AOPEP: variants seen among roughly 807,000 people sequenced by gnomAD.
AOPEP encodes the protein aminopeptidase O.
Under a neutral mutation model 98.1 loss-of-function variants are expected in AOPEP, and 77 were observed. The observed-to-expected ratio is 0.78, with a 90% CI of 0.65 to 0.95. AOPEP has a LOEUF of 0.95. AOPEP is among the 40% of genes least tolerant of loss of function. The probability of loss-of-function intolerance (pLI) is 0.00; values close to 1 mark genes in which losing one functional copy is unlikely to be tolerated. For synonymous variants in AOPEP, 346 were observed against 365.3 expected (o/e 0.95, Z 0.60); for missense variants, 1,024 against 1,024.7 (o/e 1.00, Z 0.01).
At chr9:95,098,018 G>C in the AOPEP span, among the ~76,000 whole-genome samples, 1 of 152,142 alleles carries the variant, frequency 6.6e-6, no homozygotes, top group Non-Finnish European at 1.5e-5. Context: ...GCTGGAAACA[G>C]AGGAAGAAAA....
At chr9:94,942,282 C>T (rs2057090701) in intron 7 of AOPEP, among the ~76,000 whole-genome samples, 1 of 152,178 alleles carries the variant, frequency 6.6e-6, no homozygotes, top group South Asian at 2.1e-4. Flanking sequence ...AGTGCTTTCT[C>T]ATGTAACGCC....
chr9:94,761,447 G>A (rs1838271122), intron 2 of AOPEP, among the ~76,000 whole-genome samples: 1 of 152,070 alleles, frequency 6.6e-6, no homozygotes, highest in Non-Finnish European at 1.5e-5. Context: ...AATCAATATG[G>A]TAATTATTGC....
chr9:94,755,975 C>T (rs1051716009), intron 1 of AOPEP, among the ~76,000 whole-genome samples: 2 of 152,044 alleles, frequency 1.3e-5, no homozygotes, highest in Non-Finnish European at 2.9e-5. Flanking sequence ...GATGGCAACC[C>T]TAGGCCAGGC....
Position 94,989,474 on chromosome 9 carries a change from A to G in AOPEP, c.1977+10047A>G, listed in dbSNP as rs561868028. Among the ~76,000 whole-genome samples the G allele has an allele frequency of 5.9e-5, 9 of 152,048 alleles. No individual in the cohort carries two copies. The South Asian group carries it at 1.9e-3, about 32-fold the overall frequency. On this transcript the variant is annotated intron_variant, in intron 11 of 16. Coordinates refer to ENST00000375315, the MANE Select transcript of AOPEP (RefSeq NM_001193329.3). ...ATGGTCTCGATCTCCTAACCTCGTG[A>G]TTTGCCTTCCTTGGCCTCCCAAGGT...
At chr9:94,991,686 A>G (rs899143046) in intron 11 of AOPEP, among the ~76,000 whole-genome samples, 3 of 152,190 alleles carry the variant, frequency 2.0e-5, no homozygotes, top group Admixed American at 1.3e-4. Context: ...GTTTGTTCCT[A>G]TTCTTTCACA....
chr9:94,755,044 C>A (rs1836692300), intron 1 of AOPEP, among the ~76,000 whole-genome samples: 1 of 152,112 alleles, frequency 6.6e-6, no homozygotes, highest in African/African-American at 2.4e-5. Context: ...CTGAGACAAT[C>A]ATTTAAGCAT....
At chr9:94,974,834 C>T (rs988330058) in intron 10 of AOPEP, among the ~76,000 whole-genome samples, 3 of 152,170 alleles carry the variant, frequency 2.0e-5, no homozygotes, top group Non-Finnish European at 2.9e-5. Context: ...TTCATAGCCA[C>T]GCACCAAAGG....
chr9:95,139,809 C>T, the AOPEP span, among the ~76,000 whole-genome samples: 3 of 144,636 alleles, frequency 2.1e-5, no homozygotes, highest in Non-Finnish European at 3.0e-5. Flanking sequence ...TATTGTTTGA[C>T]CTGACAAAAT....
intron 13 of AOPEP, chr9:95,018,853 G>A (rs2063222306): frequency 6.6e-6 from 1 of 152,184 alleles, no homozygotes; most frequent in South Asian, 2.1e-4. Context: ...GGGAGTTAGT[G>A]AGGGGACTTC....
At chr9:95,073,291 T>C (rs2068686054) in intron 14 of AOPEP, among the ~76,000 whole-genome samples, 1 of 152,092 alleles carries the variant, frequency 6.6e-6, no homozygotes, top group Non-Finnish European at 1.5e-5. Context: ...GAGCTGGAGC[T>C]GGAGTGGGGC....
intron 5 of AOPEP, among the ~76,000 whole-genome samples, chr9:94,855,935 G>T (rs1442622369): frequency 6.6e-6 from 1 of 152,170 alleles, no homozygotes; most frequent in Admixed American, 6.5e-5. Flanking sequence ...CCTATTATCA[G>T]ATGTCACCAT....
chr9:94,895,572 G>A (rs565538029), intron 5 of AOPEP, among the ~76,000 whole-genome samples: 1 of 152,076 alleles, frequency 6.6e-6, no homozygotes, highest in East Asian at 1.9e-4. Flanking sequence ...CTACCTGTAA[G>A]CCAAGTGCCT....
chr9:94,995,283 C>G (rs2061151533), intron 11 of AOPEP, among the ~76,000 whole-genome samples: 1 of 152,130 alleles, frequency 6.6e-6, no homozygotes, highest in African/African-American at 2.4e-5. Context: ...ACCAGATAGA[C>G]TTTTGTTTCT....
rs376747868 is a variant in AOPEP at position 94,737,722 on chromosome 9, T to C, written c.-136+10971T>C. On this transcript the variant is annotated intron_variant, in intron 1 of 16. Coordinates refer to ENST00000375315, the MANE Select transcript of AOPEP (RefSeq NM_001193329.3). ...AATATAAGACTGCAATATGTATAAC[T>C]TGCCATGCCAATAAGCAACAAGATG... Among the ~76,000 whole-genome samples the C allele has an allele frequency of 7.8e-4, 119 of 152,334 alleles. 1 individual carries two copies. In the South Asian group the frequency reaches 0.024, roughly 31 times the overall value.
At chr9:94,991,443 G>T (rs2060886879) in intron 11 of AOPEP, among the ~76,000 whole-genome samples, 1 of 152,196 alleles carries the variant, frequency 6.6e-6, no homozygotes, top group African/African-American at 2.4e-5. Flanking sequence ...GGGGAGCGGA[G>T]CCCCAGGAGA....
chr9:94,937,852 C>A (rs1481307738), intron 7 of AOPEP, among the ~76,000 whole-genome samples: 1 of 152,068 alleles, frequency 6.6e-6, no homozygotes. Flanking sequence ...AATATTTGAC[C>A]ATTTTTGCCC....
At position 94,839,087 on chromosome 9, in the gene AOPEP, TC is replaced by T. The variant is rs1386752338; in HGVS notation, c.1364+38086del. ...CACCACACCCACCTAATTTTTGTAT[TC>T]TTTTTTTTTTTTTTTGAGAGGGAGT... On this transcript the variant is annotated intron_variant, in intron 5 of 16. Coordinates refer to ENST00000375315, the MANE Select transcript of AOPEP (RefSeq NM_001193329.3). Among the ~76,000 whole-genome samples the T allele has an allele frequency of 2.1e-4, 9 of 43,616 alleles. No individual in the cohort carries two copies. In the East Asian group the frequency reaches 6.2e-3, roughly 30 times the overall value. The allele number at this position is 43,616 out of a possible 152,430, so 28.6% of individuals were successfully genotyped here.
At chr9:94,756,424 T>A (rs1837066519) in intron 1 of AOPEP, among the ~76,000 whole-genome samples, 1 of 151,720 alleles carries the variant, frequency 6.6e-6, no homozygotes, top group Non-Finnish European at 1.5e-5. Context: ...GTTAGATGAG[T>A]GTGGTGGCAT....
chr9:94,995,324 T>G (rs1166747035), intron 11 of AOPEP, among the ~76,000 whole-genome samples: 1 of 152,238 alleles, frequency 6.6e-6, no homozygotes, highest in East Asian at 1.9e-4. Context: ...TTGCATTTAC[T>G]GGTCTATTTT....
Sources: allele counts gnomAD v4.1 joint callset (sites outside exome capture counted in the v4.1 genomes callset), GRCh38; gene constraint gnomAD v4.1.1; transcripts MANE v1.5; gene names NCBI Gene and HGNC (gene_info 2026-07-23, HGNC 2026-07-21).